SCNM1: variants seen among roughly 807,000 people sequenced by gnomAD.
SCNM1 encodes sodium channel modifier 1.
In SCNM1, 24 loss-of-function variants were observed where a neutral mutation model predicts 32.8. That is an observed-to-expected ratio of 0.73 (90% CI 0.53 to 1.03). SCNM1 has a LOEUF of 1.03. SCNM1 is among the 50% of genes least tolerant of loss of function. SCNM1 has a pLI of 0.00. For synonymous variants in SCNM1, 99 were observed against 103.2 expected (o/e 0.96, Z 0.25); for missense variants, 274 against 282.3 (o/e 0.97, Z 0.21).
In SCNM1 at chr1:151,169,101, C is replaced by A; in HGVS notation, c.*16C>A. The A allele has an allele frequency of 1.9e-6, 3 of 1,613,884 alleles. No individual in the cohort carries two copies. Among genetic ancestry groups the A allele is most frequent in the Non-Finnish European group, 2.5e-6 (3 of 1,179,838 alleles). On this transcript the variant is annotated 3_prime_UTR_variant, in exon 7 of 7. Coordinates refer to ENST00000368905, the MANE Select transcript of SCNM1 (RefSeq NM_024041.4). ...CTTGGACTGATACCCTTTTCCCATTCATTCACAAATAAATTACAATGGGTG... is the reference window on the plus strand; with the variant it reads ...CTTGGACTGATACCCTTTTCCCATTAATTCACAAATAAATTACAATGGGTG...
intron 2 of SCNM1, 109 bp from the exon 3 acceptor site, chr1:151,166,825 C>T: frequency 6.6e-7 from 1 of 1,505,836 alleles, no homozygotes; most frequent in Non-Finnish European, 9.0e-7. Context: ...ATTGGGTCAC[C>T]AGGGAGTTGG....
chr1:151,169,993 G>T lies in SCNM1; in HGVS notation c.*908G>T. ...AGGAAGGAGGCAGGCAAAATGGATA[G>T]AAGGGCTTTTATTTACAGGAAAGGA... is the stretch of plus-strand genomic sequence containing the variant. On this transcript the variant is annotated 3_prime_UTR_variant, in exon 7 of 7. Coordinates refer to ENST00000368905, the MANE Select transcript of SCNM1 (RefSeq NM_024041.4). 1 of 1,526,408 alleles carries T rather than the reference G, an allele frequency of 6.6e-7. No homozygotes were observed. Among genetic ancestry groups the T allele is most frequent in the Non-Finnish European group, 9.1e-7 (1 of 1,101,516 alleles). 94.6% of individuals were successfully genotyped at this position (1,526,408 alleles called of 1,614,324 possible).
chr1:151,167,858 A>G (rs1021571856), intron 5 of SCNM1: 1 of 345,646 alleles, frequency 2.9e-6, no homozygotes, highest in Non-Finnish European at 5.2e-6. Context: ...AAAGAAAAAG[A>G]AAAGGAGAAT....
In SCNM1 at chr1:151,168,238, G is replaced by A; in HGVS notation, c.493G>A (p.Ala165Thr). ...SGKISREPEP[A>T]AGPQAEESAT... ...GAAGATCAGTAGGGAACCTGAACCT[G>A]CGGCTGGCCCACAGGCCGAGGAGTC... Residue 165 changes from alanine to threonine, a missense_variant, in exon 6 of 7, where the codon GCG becomes ACG. Coordinates refer to ENST00000368905, the MANE Select transcript of SCNM1 (RefSeq NM_024041.4). The A allele has an allele frequency of 6.2e-7, 1 of 1,614,184 alleles. No individual in the cohort carries two copies. The highest frequency in any genetic ancestry group is 1.7e-5 in the Admixed American group (1 of 60,018).
chr1:151,167,060 C>T (rs762135127), intron 3 of SCNM1, 38 bp downstream of exon 3: 44 of 1,614,028 alleles, frequency 2.7e-5, no homozygotes, highest in South Asian at 1.1e-5. Flanking sequence ...AATAAACCCT[C>T]GAAATCTCTG....
chr1:151,167,264 C>T (rs1683751168), intron 4 of SCNM1, 46 bp downstream of exon 4: 2 of 1,614,042 alleles, frequency 1.2e-6, no homozygotes, highest in Non-Finnish European at 1.7e-6. Flanking sequence ...CCCTGCTGCA[C>T]ACACCAGGCT....
Position 151,169,096 on chromosome 1 carries a change from C to G in SCNM1, c.*11C>G. 1 of 1,613,980 alleles carries G rather than the reference C, an allele frequency of 6.2e-7. No homozygotes were observed. The highest frequency in any genetic ancestry group is 8.5e-7 in the Non-Finnish European group (1 of 1,179,922). ...CTCCCCTTGGACTGATACCCTTTTCCCATTCATTCACAAATAAATTACAAT... is the reference window on the plus strand; with the variant it reads ...CTCCCCTTGGACTGATACCCTTTTCGCATTCATTCACAAATAAATTACAAT... On this transcript the variant is annotated 3_prime_UTR_variant, in exon 7 of 7. Transcript: ENST00000368905.
rs371161010 is a variant in SCNM1, at chr1:151,170,080, G to A, written c.*995G>A. 1 of 1,614,154 alleles carries A rather than the reference G, an allele frequency of 6.2e-7. No individual in the cohort carries two copies. On this transcript the variant is annotated 3_prime_UTR_variant, in exon 7 of 7. Coordinates refer to ENST00000368905, the MANE Select transcript of SCNM1 (RefSeq NM_024041.4). ...GCTAGTTGGTAAAGGGAAATGCAGT[G>A]TTATCTCTTCTTTTGCTGGCGACCT...
rs865992525 is a variant in SCNM1 at position 151,170,101 on chromosome 1, G to A, written c.*1016G>A. The A allele has an allele frequency of 3.7e-6, 6 of 1,614,122 alleles. No individual in the cohort carries two copies. The highest frequency in any genetic ancestry group is 2.2e-5 in the East Asian group (1 of 44,888). On this transcript the variant is annotated 3_prime_UTR_variant, in exon 7 of 7. Transcript: ENST00000368905. Reference sequence around the variant, plus strand: ...CAGTGTTATCTCTTCTTTTGCTGGCGACCTGTAAAGGAGCAATATTAAACA... The same window carrying A: ...CAGTGTTATCTCTTCTTTTGCTGGCAACCTGTAAAGGAGCAATATTAAACA...
chr1:151,167,194 G>A lies in SCNM1; in HGVS notation c.285G>A (p.Leu95=), dbSNP rs768793084. Residue 95 remains leucine (L), a synonymous_variant, in exon 4 of 7, where the codon TTG becomes TTA. Coordinates refer to ENST00000368905, the MANE Select transcript of SCNM1 (RefSeq NM_024041.4). ...RKQNPKHQNE[L]RREETKAEAP... is the part of the protein sequence containing the mutation. ...AGAATCCAAAACATCAGAATGAATT[G>A]AGAAGGGAAGAAACCAAAGCTGAGG... is the stretch of plus-strand genomic sequence containing the variant. 3.7e-6 allele frequency: 6 copies of A among 1,614,092 alleles called. No individual in the cohort carries two copies. In the African/African-American group the frequency reaches 6.7e-5, roughly 18 times the overall value.
At position 151,168,145 on chromosome 1, in the gene SCNM1, C is replaced by A; in HGVS notation, c.400C>A (p.Pro134Thr). 1 of 1,610,262 alleles carries A rather than the reference C, an allele frequency of 6.2e-7. No homozygotes were observed. The highest frequency in any genetic ancestry group is 8.5e-7 in the Non-Finnish European group (1 of 1,178,180). ...TACAGACTATTCTTCTCTACCTAGA[C>A]CAGAAGCCCCTGGTCCCTCTGTCTC... ...YNSCCRRKYR[P>T]EAPGPSVSLS... Residue 134 changes from proline to threonine, a missense_variant and splice_region_variant, in exon 6 of 7, where the codon CCA (proline) becomes ACA (threonine). Transcript: ENST00000368905.
rs1683890868 is a variant in SCNM1 at position 151,169,873 on chromosome 1, C to T, written c.*788C>T. Reference sequence around the variant, plus strand: ...CCCACCTCCTCCTAGTAACCTGAACCTCCCTGCCTGCTGATCCCCAGAGTA... The same window carrying T: ...CCCACCTCCTCCTAGTAACCTGAACTTCCCTGCCTGCTGATCCCCAGAGTA... On this transcript the variant is annotated 3_prime_UTR_variant, in exon 7 of 7. Transcript: ENST00000368905. 3 of 586,868 alleles carry T rather than the reference C, an allele frequency of 5.1e-6. No individual in the cohort carries two copies. The highest frequency in any genetic ancestry group is 6.3e-5 in the Admixed American group (2 of 31,924). The allele number at this position is 586,868 out of a possible 1,614,324, so 36.4% of individuals were successfully genotyped here.
intron 6 of SCNM1, 44 bp downstream of exon 6, chr1:151,168,382 G>T: frequency 6.5e-7 from 1 of 1,529,100 alleles, no homozygotes. Context: ...TTTTCTCTCT[G>T]ACACCCTTGT....
In SCNM1 at chr1:151,169,524, A is replaced by G. The variant is rs934602914; in HGVS notation, c.*439A>G. On this transcript the variant is annotated 3_prime_UTR_variant, in exon 7 of 7. Transcript: ENST00000368905. ...CTCCCAAAGTGCTGGGATTACAGGC[A>G]TGAGCCACCGCACCCAGCCACGGCT... The G allele has an allele frequency of 1.3e-4, 24 of 178,780 alleles. No homozygotes were observed. The highest frequency in any genetic ancestry group is 2.3e-4 in the South Asian group (2 of 8,516). The allele number at this position is 178,780 out of a possible 1,614,324, so 11.1% of individuals were successfully genotyped here.
chr1:151,166,492 C>T lies in SCNM1; in HGVS notation c.73C>T (p.Leu25=), dbSNP rs756284227. 1 of 1,614,036 alleles carries T rather than the reference C, an allele frequency of 6.2e-7. No individual in the cohort carries two copies. The highest frequency in any genetic ancestry group is 1.1e-5 in the South Asian group (1 of 91,070). The change falls in exon 2 of 7, where the codon CTA becomes TTA. Residue 25 remains leucine (L), a synonymous_variant. Coordinates refer to ENST00000368905, the MANE Select transcript of SCNM1 (RefSeq NM_024041.4). ...VLKKRRVGDL[L]ASYIPEDEAL... ...GCAGAAAAGAAGAGTCGGGGACCTCCTAGCCAGTTACATTCCAGAGGATGA... is the reference window on the plus strand; with the variant it reads ...GCAGAAAAGAAGAGTCGGGGACCTCTTAGCCAGTTACATTCCAGAGGATGA...
rs1462233811 is a variant in SCNM1, at chr1:151,167,424, G to T, written c.398+10G>T. On this transcript the variant is annotated intron_variant, in intron 5 of 6. Coordinates refer to ENST00000368905, the MANE Select transcript of SCNM1 (RefSeq NM_024041.4). ...GCCGCCGGAAGTACAGGTATGGGAC[G>T]GGAAAGCCAGAGGTAGGAAGGCTCA... The T allele has an allele frequency of 6.2e-7, 1 of 1,614,158 alleles. No individual in the cohort carries two copies. Among genetic ancestry groups the T allele is most frequent in the Non-Finnish European group, 8.5e-7 (1 of 1,180,028 alleles).
intron 6 of SCNM1, among the ~76,000 whole-genome samples, 191 bp from the exon 7 acceptor site, chr1:151,168,790 CTTTTT>C (rs147127258): frequency 7.4e-5 from 3 of 40,352 alleles, no homozygotes; most frequent in Non-Finnish European, 1.3e-4. Context: ...TCACTGCTAA[CTTTTT>C]TTTTTTTTTT....
intron 5 of SCNM1, chr1:151,167,931 T>C (rs1252930838): frequency 2.0e-5 from 10 of 489,782 alleles, no homozygotes; most frequent in Non-Finnish European, 2.7e-5. Context: ...AGAATAACAG[T>C]TTTAAAAACT....
Position 151,169,756 on chromosome 1 carries a change from C to T in SCNM1, c.*671C>T. ...AGGCACTAGGGGGACCTGGCCACAT[C>T]TGGAAACAGGGCTGTGGCTAAGTTC... is the stretch of plus-strand genomic sequence containing the variant. On this transcript the variant is annotated 3_prime_UTR_variant, in exon 7 of 7. Coordinates refer to ENST00000368905, the MANE Select transcript of SCNM1 (RefSeq NM_024041.4). 1 of 371,946 alleles carries T rather than the reference C, an allele frequency of 2.7e-6. No homozygotes were observed. The highest frequency in any genetic ancestry group is 5.0e-6 in the Non-Finnish European group (1 of 200,992). 23.0% of individuals were successfully genotyped at this position (371,946 alleles called of 1,614,324 possible). A position where few individuals can be genotyped will look rare whatever the true frequency, so the allele number is the denominator to read the frequency against.
Sources: allele counts gnomAD v4.1 joint callset (sites outside exome capture counted in the v4.1 genomes callset), GRCh38; gene constraint gnomAD v4.1.1; transcripts MANE v1.5; gene names NCBI Gene and HGNC (gene_info 2026-07-23, HGNC 2026-07-21).